TUBGCP6: variants seen among roughly 807,000 people sequenced by gnomAD.
TUBGCP6 encodes the protein tubulin gamma complex component 6, also known as gamma-tubulin complex component 6.
TUBGCP6 carries 161 observed loss-of-function variants against 175.8 expected under a neutral mutation model. The ratio of observed to expected loss-of-function variants is 0.92; its 90% CI spans 0.81 to 1.04. The LOEUF is 1.04. Among genes scored for constraint, TUBGCP6 ranks in the 50% least tolerant of loss-of-function variants. TUBGCP6 has a pLI of 0.00. For missense variants in TUBGCP6, 2,572 were observed against 2,433.0 expected (o/e 1.06, Z -1.20); for synonymous variants, 1,173 against 1,030.5 (o/e 1.14, Z -2.65).
chr22:50,232,832 T>C (rs1363007498), intron 3 of TUBGCP6, among the ~76,000 whole-genome samples: 1 of 152,254 alleles, frequency 6.6e-6, no homozygotes, highest in Non-Finnish European at 1.5e-5. Context: ...TTTCTGAATA[T>C]ATCCATTCAC....
Position 50,224,396 on chromosome 22 carries a change from G to A in TUBGCP6, c.2090C>T (p.Ala697Val), listed in dbSNP as rs1601589825. Residue 697 changes from alanine (A) to valine (V), a missense_variant, in exon 12 of 25, where the codon GCC becomes GTC. By Grantham distance (64) the Ala-to-Val change is moderately conservative. Coordinates refer to ENST00000248846, the MANE Select transcript of TUBGCP6 (RefSeq NM_020461.4). ...CTGCTCACGCTTCCGGGCATCCAAGGCCATCCGTTCTGACATCTGCCGGTC... is the reference window on the plus strand; with the variant it reads ...CTGCTCACGCTTCCGGGCATCCAAGACCATCCGTTCTGACATCTGCCGGTC... ...LSDRQMSERM[A>V]LDARKREQFQ... 5 of 1,614,164 alleles carry A rather than the reference G, an allele frequency of 3.1e-6. No homozygotes were observed. Among genetic ancestry groups the A allele is most frequent in the Middle Eastern group, 1.6e-4 (1 of 6,062 alleles).
In TUBGCP6 at chr22:50,244,374, T is replaced by G. The variant is rs2147222965; in HGVS notation, c.86A>C (p.Asn29Thr). ...AKTHLGQRSVNRKRAKRSLKK... is the reference protein window; with the variant it reads ...AKTHLGQRSVTRKRAKRSLKK... ...GAGGCTCCGCTTTGCCCTCTTCCGG[T>G]TCACACTGCGCTGGCCCAGGTGAGT... The change falls in exon 1 of 25, where the codon AAC becomes ACC. Residue 29 changes from asparagine to threonine, a missense_variant. Transcript: ENST00000248846. 1 of 1,613,330 alleles carries G rather than the reference T, an allele frequency of 6.2e-7. No individual in the cohort carries two copies. The highest frequency in any genetic ancestry group is 8.5e-7 in the Non-Finnish European group (1 of 1,180,020).
intron 7 of TUBGCP6, 118 bp downstream of exon 7, chr22:50,226,615 C>G: frequency 3.1e-6 from 3 of 968,080 alleles, no homozygotes; most frequent in Non-Finnish European, 1.6e-6. Context: ...GTCCACCTAT[C>G]CTGCCCTCCC....
intron 2 of TUBGCP6, among the ~76,000 whole-genome samples, chr22:50,234,232 A>T (rs2064731947): frequency 6.7e-6 from 1 of 148,300 alleles, no homozygotes; most frequent in South Asian, 2.2e-4. Flanking sequence ...CCACAGCAGC[A>T]TCATCCACAC....
At position 50,218,179 on chromosome 22, in the gene TUBGCP6, C is replaced by A. The variant is rs754542358; in HGVS notation, c.5168+10G>T. 1 of 1,611,154 alleles carries A rather than the reference C, an allele frequency of 6.2e-7. No homozygotes were observed. ...TGACCACAGGGACGCAGCCGCTGCC[C>A]AGGCCTCACCTGAAGACGGCCTTGT... On this transcript the variant is annotated intron_variant, in intron 23 of 24. Transcript: ENST00000248846.
At chr22:50,242,284 T>C (rs1487917971) in intron 1 of TUBGCP6, among the ~76,000 whole-genome samples, 2 of 151,192 alleles carry the variant, frequency 1.3e-5, no homozygotes, top group Non-Finnish European at 2.9e-5. Context: ...AGAGCGAGAC[T>C]GTGTCAAAAA....
At chr22:50,227,784 C>T (rs914394650) in intron 5 of TUBGCP6, 123 bp downstream of exon 5, 12 of 1,370,142 alleles carry the variant, frequency 8.8e-6, no homozygotes, top group Admixed American at 4.9e-5. Flanking sequence ...GCCATCCGGT[C>T]GCCTGCTGAG....
chr22:50,233,202 G>A, intron 3 of TUBGCP6, 114 bp downstream of exon 3: 1 of 1,262,470 alleles, frequency 7.9e-7, no homozygotes, highest in Non-Finnish European at 1.1e-6. Context: ...GGCCTTCCCT[G>A]CCACTCCCCA....
chr22:50,229,404 C>A lies in TUBGCP6; in HGVS notation c.1290G>T (p.Gln430His). Reference protein sequence around the residue: ...DSLYSKGLVFQAFTSGLRRYL... With the variant: ...DSLYSKGLVFHAFTSGLRRYL... ...GACAACCATGAGGCAAAGGCCATACCTGGAACACGAGGCCCTTGCTGTACA... is the reference window on the plus strand; with the variant it reads ...GACAACCATGAGGCAAAGGCCATACATGGAACACGAGGCCCTTGCTGTACA... Residue 430 changes from glutamine (Q) to histidine (H), a missense_variant and splice_region_variant, in exon 4 of 25, where the codon CAG becomes CAT. By Grantham distance (24) the Gln-to-His change is conservative. Transcript: ENST00000248846. The A allele has an allele frequency of 6.2e-7, 1 of 1,613,286 alleles. No individual in the cohort carries two copies. The highest frequency in any genetic ancestry group is 8.5e-7 in the Non-Finnish European group (1 of 1,179,688).
Position 50,226,137 on chromosome 22 carries a change from G to A in TUBGCP6, c.1746C>T (p.Asp582=), listed in dbSNP as rs2064604473. 1.2e-6 allele frequency: 2 copies of A among 1,614,184 alleles called. No individual in the cohort carries two copies. Among genetic ancestry groups the A allele is most frequent in the Non-Finnish European group, 8.5e-7 (1 of 1,180,040 alleles). Residue 582 remains aspartate, a synonymous_variant, in exon 9 of 25, where the codon GAC becomes GAT. Transcript: ENST00000248846. ...GYVLISKEVE[D]CVPVFLKHIA... ...TGTGCTTCAGAAACACGGGAACACA[G>A]TCCTCCACCTCTTTGGAGATGAGCA... is the stretch of plus-strand genomic sequence containing the variant.
chr22:50,233,326 G>T lies in TUBGCP6; in HGVS notation c.1106C>A (p.Ser369Ter). Residue 369 changes from serine to a stop codon, truncating the protein, a stop_gained, in exon 3 of 25, where the codon TCG (serine) becomes TAG (stop). Coordinates refer to ENST00000248846, the MANE Select transcript of TUBGCP6 (RefSeq NM_020461.4). LOFTEE classifies it high-confidence loss of function. ...VLIGVVSATF[S>*]LCQPAQAFVV... Reference sequence around the variant, plus strand: ...GTGAGCAGTTCTCACCTGGCAGAGCGAAAACGTGGCAGACACGACCCCAAT... The same window carrying T: ...GTGAGCAGTTCTCACCTGGCAGAGCTAAAACGTGGCAGACACGACCCCAAT... 1 of 1,613,104 alleles carries T rather than the reference G, an allele frequency of 6.2e-7. No homozygotes were observed. Among genetic ancestry groups the T allele is most frequent in the Non-Finnish European group, 8.5e-7 (1 of 1,179,602 alleles).
intron 4 of TUBGCP6, among the ~76,000 whole-genome samples, chr22:50,228,704 C>T (rs1240384328): frequency 3.9e-5 from 6 of 152,206 alleles, no homozygotes; most frequent in East Asian, 1.9e-4. Context: ...AAGCTCTCCC[C>T]GCCCCGTGCA....
intron 5 of TUBGCP6, among the ~76,000 whole-genome samples, chr22:50,227,551 AG>A: frequency 6.6e-6 from 1 of 152,226 alleles, no homozygotes; most frequent in South Asian, 2.1e-4. Context: ...CCCAATGCCC[AG>A]CTCCTCACTC....
At position 50,220,753 on chromosome 22, in the gene TUBGCP6, C is replaced by T. The variant is rs770865230; in HGVS notation, c.3606G>A (p.Val1202=). 25 of 1,604,546 alleles carry T rather than the reference C, an allele frequency of 1.6e-5. No homozygotes were observed. The highest frequency in any genetic ancestry group is 2.1e-5 in the Non-Finnish European group (25 of 1,177,432). ...SDASISLGES[V]SDMAPTRPRW... is the part of the protein sequence containing the mutation. ...GTGGCCGGGTGGGAGCCATGTCTGA[C>T]ACAGACTCCCCCAAGCTGATGCTGG... The change falls in exon 16 of 25, where the codon GTG becomes GTA. Residue 1202 remains valine, a synonymous_variant. Coordinates refer to ENST00000248846, the MANE Select transcript of TUBGCP6 (RefSeq NM_020461.4).
Position 50,221,574 on chromosome 22 carries a change from G to A in TUBGCP6, c.2785C>T (p.Leu929=). ...EVALQTINLD[L]PPSAPGEAPA... is the part of the protein sequence containing the mutation. ...GCCTCCCCAGGAGCTGAGGGGGGCA[G>A]GTCCAAGTTAATGGTCTGCAGCGCC... is the stretch of plus-strand genomic sequence containing the variant. Residue 929 remains leucine, a synonymous_variant, in exon 16 of 25, where the codon CTG becomes TTG. Transcript: ENST00000248846. The A allele has an allele frequency of 1.3e-6, 2 of 1,585,340 alleles. No homozygotes were observed. The highest frequency in any genetic ancestry group is 1.7e-6 in the Non-Finnish European group (2 of 1,163,766).
chr22:50,228,768 C>T (rs2064651794), intron 4 of TUBGCP6, among the ~76,000 whole-genome samples: 1 of 152,118 alleles, frequency 6.6e-6, no homozygotes, highest in Non-Finnish European at 1.5e-5. Flanking sequence ...CTCACCACAT[C>T]ACCCCACCCG....
chr22:50,237,529 C>T (rs1601604722), intron 2 of TUBGCP6, among the ~76,000 whole-genome samples: 1 of 152,352 alleles, frequency 6.6e-6, no homozygotes, highest in East Asian at 1.9e-4. Context: ...GCAGGTCAGC[C>T]ACTGGACACT....
Position 50,220,312 on chromosome 22 carries a change from G to A in TUBGCP6, c.4047C>T (p.Asp1349=), listed in dbSNP as rs372533743. The A allele has an allele frequency of 2.0e-5, 31 of 1,574,474 alleles. No homozygotes were observed. Among genetic ancestry groups the A allele is most frequent in the Non-Finnish European group, 2.3e-5 (27 of 1,155,624 alleles). The change falls in exon 16 of 25, where the codon GAC becomes GAT. Residue 1349 remains aspartate, a synonymous_variant. Transcript: ENST00000248846. ...GSISVGENVS[D]VAPTQPWWPN... is the part of the protein sequence containing the mutation. ...GCCACCATGGTTGGGTGGGAGCCAC[G>A]TCTGACACGTTCTCCCCCACGCTGA... is the stretch of plus-strand genomic sequence containing the variant.
Position 50,220,262 on chromosome 22 carries a change from G to A in TUBGCP6, c.4097C>T (p.Ser1366Phe), listed in dbSNP as rs1193720058. The change falls in exon 16 of 25, where the codon TCT becomes TTT. Residue 1366 changes from serine to phenylalanine, a missense_variant. Physicochemically the swap from Ser to Phe is radical, Grantham distance 155 (BLOSUM62 -2). Transcript: ENST00000248846. ...CACCCTACTCTGACCTAGTTCTTCA[G>A]AGACACTGTCTCCCGGGGTGTTGGG... Reference protein sequence around the residue: ...WWPNTPGDSVSEELGPGRSGD... With the variant: ...WWPNTPGDSVFEELGPGRSGD... The A allele has an allele frequency of 1.3e-6, 2 of 1,558,492 alleles. No individual in the cohort carries two copies. The highest frequency in any genetic ancestry group is 1.7e-6 in the Non-Finnish European group (2 of 1,148,190).
Sources: gnomAD v4.1 joint callset for allele counts (sites outside exome capture counted in the v4.1 genomes callset) on GRCh38, gnomAD v4.1.1 for gene constraint, MANE v1.5 for transcripts, NCBI Gene and HGNC (gene_info 2026-07-23, HGNC 2026-07-21) for gene names.